Variants in FHOD3 observed in about 807,000 individuals in gnomAD.
FHOD3 encodes FH1/FH2 domain-containing protein 3.
In FHOD3, 90 loss-of-function variants were observed where a neutral mutation model predicts 173.0. The observed-to-expected ratio is 0.52, with a 90% CI of 0.44 to 0.62. The LOEUF is 0.62. FHOD3 is among the 20% of genes least tolerant of loss of function. FHOD3 has a pLI of 0.00. For missense variants in FHOD3, 1,945 were observed against 2,034.7 expected, an observed-to-expected ratio of 0.96 and a Z score of 0.85; for synonymous variants, 828 against 823.0, an observed-to-expected ratio of 1.01 and a Z score of -0.10.
intron 5 of FHOD3, among the ~76,000 whole-genome samples, chr18:36,554,488 G>A (rs941968542): frequency 6.6e-6 from 1 of 150,502 alleles, no homozygotes; most frequent in African/African-American, 2.4e-5. Flanking sequence ...GCCTGTCGTG[G>A]GGTGGGGGTG....
At chr18:36,537,346 AT>A (rs1387173630) in intron 5 of FHOD3, among the ~76,000 whole-genome samples, 2 of 152,056 alleles carry the variant, frequency 1.3e-5, no homozygotes, top group Non-Finnish European at 2.9e-5. Context: ...TTCTACTACC[AT>A]TTTTAGTCAC....
chr18:36,594,775 C>G lies in FHOD3; in HGVS notation c.607-12C>G. On this transcript the variant is annotated splice_polypyrimidine_tract_variant and intron_variant, in intron 6 of 28. Coordinates refer to ENST00000590592, the MANE Select transcript of FHOD3 (RefSeq NM_001281740.3). The stretch of plus-strand genomic sequence containing the variant: ...GTTGGCAGTGATGTGATGGTTTTAT[C>G]TCTTCTGCCAGTTCCGCCTGGTGGT... The G allele has an allele frequency of 6.2e-7, 1 of 1,603,970 alleles. No individual in the cohort carries two copies. The highest frequency in any genetic ancestry group is 1.3e-5 in the African/African-American group (1 of 74,798).
chr18:36,317,666 T>C lies in FHOD3; in HGVS notation c.165+19666T>C, dbSNP rs552669401. On this transcript the variant is annotated intron_variant, in intron 1 of 28. Coordinates refer to ENST00000590592, the MANE Select transcript of FHOD3 (RefSeq NM_001281740.3). ...GATAGATTGCAAAAATTTTCTCCCA[T>C]TCTGTAGGTTGCCTGTGCACTTTGC... Among the ~76,000 whole-genome samples the C allele has an allele frequency of 2.6e-5, 4 of 152,278 alleles. No homozygotes were observed. The South Asian group carries it at 8.3e-4, about 32-fold the overall frequency.
chr18:36,482,447 G>C lies in FHOD3; in HGVS notation c.338-19485G>C, dbSNP rs186472498. ...AGGGGAGAAGCAGGGTGACCACTGCGTGACCCCCCCGCCCCGCAAGGCATG... is the reference window on the plus strand; with the variant it reads ...AGGGGAGAAGCAGGGTGACCACTGCCTGACCCCCCCGCCCCGCAAGGCATG... On this transcript the variant is annotated intron_variant, in intron 3 of 28. Coordinates refer to ENST00000590592, the MANE Select transcript of FHOD3 (RefSeq NM_001281740.3). 1.1e-3 allele frequency among the ~76,000 whole-genome samples: 133 copies of C among 116,616 alleles called. 2 individuals are homozygous for C. The East Asian group carries it at 0.02, about 18-fold the overall frequency. The allele number at this position is 116,616 out of a possible 152,430, so 76.5% of individuals were successfully genotyped here.
chr18:36,742,595 T>C lies in FHOD3; in HGVS notation c.3760-142T>C. ...AGGCTCTCCCTGCCACACGTTTCCATACCTAGGAGCAATGCCCATCGCGGG... is the reference window on the plus strand; with the variant it reads ...AGGCTCTCCCTGCCACACGTTTCCACACCTAGGAGCAATGCCCATCGCGGG... On this transcript the variant is annotated intron_variant, in intron 21 of 28. Coordinates refer to ENST00000590592, the MANE Select transcript of FHOD3 (RefSeq NM_001281740.3). 3.3e-6 allele frequency: 3 copies of C among 904,812 alleles called. No homozygotes were observed. The South Asian group carries it at 4.9e-5, about 15-fold the overall frequency. 56.0% of individuals were successfully genotyped at this position (904,812 alleles called of 1,614,324 possible).
chr18:36,379,954 C>T (rs2047652660), intron 3 of FHOD3, among the ~76,000 whole-genome samples: 1 of 152,078 alleles, frequency 6.6e-6, no homozygotes, highest in South Asian at 2.1e-4. Context: ...ATGGATGGTT[C>T]AAAAATGTCT....
At chr18:36,592,313 C>G (rs964277868) in intron 6 of FHOD3, among the ~76,000 whole-genome samples, 76 of 152,228 alleles carry the variant, frequency 5.0e-4, no homozygotes, top group African/African-American at 1.7e-3. Flanking sequence ...GAGAATTTCT[C>G]TGATCTGAAG....
At chr18:36,678,478 A>G (rs2038006866) in intron 14 of FHOD3, among the ~76,000 whole-genome samples, 1 of 139,476 alleles carries the variant, frequency 7.2e-6, no homozygotes, top group African/African-American at 2.6e-5. Flanking sequence ...TCAAGGATTC[A>G]GTGAGCCATG....
intron 13 of FHOD3, among the ~76,000 whole-genome samples, chr18:36,657,265 A>C (rs1200991471): frequency 6.6e-6 from 1 of 152,232 alleles, no homozygotes; most frequent in Non-Finnish European, 1.5e-5. Flanking sequence ...TCTGAGCCTC[A>C]TTATTTGTAA....
chr18:36,723,796 G>GT (rs2040913834), intron 19 of FHOD3, among the ~76,000 whole-genome samples: 1 of 152,152 alleles, frequency 6.6e-6, no homozygotes, highest in African/African-American at 2.4e-5. Context: ...TGCATCCTCT[G>GT]ATACTAGTAA....
chr18:36,698,953 A>G (rs1314418057), intron 17 of FHOD3, among the ~76,000 whole-genome samples: 1 of 152,158 alleles, frequency 6.6e-6, no homozygotes, highest in Non-Finnish European at 1.5e-5. Context: ...ATGGGCGGTA[A>G]ACATGCCTTC....
chr18:36,551,163 A>C (rs1039197737), intron 5 of FHOD3, among the ~76,000 whole-genome samples: 2 of 152,182 alleles, frequency 1.3e-5, no homozygotes, highest in Non-Finnish European at 2.9e-5. Flanking sequence ...TATTGAAATG[A>C]TCATTTTTTG....
intron 21 of FHOD3, among the ~76,000 whole-genome samples, chr18:36,742,145 C>G (rs1241770254): frequency 6.6e-6 from 1 of 152,004 alleles, no homozygotes; most frequent in Non-Finnish European, 1.5e-5. Context: ...GGAGTGGGGG[C>G]CACAGAATAA....
chr18:36,425,139 A>G (rs968315976), intron 3 of FHOD3, among the ~76,000 whole-genome samples: 2 of 152,204 alleles, frequency 1.3e-5, no homozygotes, highest in Non-Finnish European at 2.9e-5. Context: ...ATTTTGAGAG[A>G]GAGACTGCAT....
Position 36,720,979 on chromosome 18 carries a change from G to A in FHOD3, c.3417+2264G>A, listed in dbSNP as rs1005894465. Among the ~76,000 whole-genome samples the A allele has an allele frequency of 7.9e-5, 12 of 152,210 alleles. No homozygotes were observed. In the East Asian group the frequency reaches 1.5e-3, roughly 20 times the overall value. ...TTTTTACAAGATTAAAAGTTTCCTC[G>A]AGAAGGCCCAAAATTAATGCTTCAC... On this transcript the variant is annotated intron_variant, in intron 19 of 28. Transcript: ENST00000590592.
At chr18:36,375,835 C>G (rs1418341443) in intron 3 of FHOD3, among the ~76,000 whole-genome samples, 1 of 152,170 alleles carries the variant, frequency 6.6e-6, no homozygotes, top group Admixed American at 6.6e-5. Context: ...AGGCCTCAAA[C>G]TTTTGTACCT....
chr18:36,320,853 T>C (rs1255532758), intron 1 of FHOD3, among the ~76,000 whole-genome samples: 2 of 152,182 alleles, frequency 1.3e-5, no homozygotes, highest in African/African-American at 4.8e-5. Context: ...CTTTTAAGCA[T>C]TGGAGAAATA....
intron 10 of FHOD3, among the ~76,000 whole-genome samples, chr18:36,645,686 CTTAATAAA>C (rs774327380): frequency 2.6e-5 from 4 of 152,000 alleles, no homozygotes; most frequent in East Asian, 1.9e-4. Flanking sequence ...GTAAAAAATT[CTTAATAAA>C]TTAAGAAATA....
At chr18:36,748,482 A>G (rs547988651) in intron 24 of FHOD3, among the ~76,000 whole-genome samples, 7 of 152,296 alleles carry the variant, frequency 4.6e-5, no homozygotes, top group Admixed American at 2.0e-4. Context: ...AATGTCTTAT[A>G]AAGCTGTTGA....
Sources: gnomAD v4.1 joint callset for allele counts (sites outside exome capture counted in the v4.1 genomes callset) on GRCh38, gnomAD v4.1.1 for gene constraint, MANE v1.5 for transcripts, NCBI Gene and HGNC (gene_info 2026-07-23, HGNC 2026-07-21) for gene names.